Variants in SDK2 observed in about 807,000 individuals in gnomAD.
SDK2 encodes sidekick cell adhesion molecule 2, also known as protein sidekick-2.
In SDK2, 105 loss-of-function variants were observed where a neutral mutation model predicts 253.9. That is an observed-to-expected ratio of 0.41 (90% CI 0.35 to 0.49). SDK2 has a LOEUF of 0.49. SDK2 is among the 20% of genes least tolerant of loss of function. SDK2 has a pLI of 0.06. For synonymous variants in SDK2, 1,249 were observed against 1,234.9 expected (o/e 1.01, Z -0.24); for missense variants, 2,608 against 3,003.0 (o/e 0.87, Z 3.07).
rs1355263721 is a variant in SDK2 at position 73,345,692 on chromosome 17, C to T, written c.6165+2907G>A. On this transcript the variant is annotated intron_variant, in intron 44 of 44. Transcript: ENST00000392650. ...CAGATGTCAATAGGGAGAATGGGGG[C>T]GGGATGCATTTTGGGCTTGTTGTCA... is the stretch of plus-strand genomic sequence containing the variant. Among the ~76,000 whole-genome samples the T allele has an allele frequency of 3.9e-5, 6 of 151,930 alleles. No homozygotes were observed. The South Asian group carries it at 8.3e-4, about 21-fold the overall frequency.
At chr17:73,573,805 G>A (rs2045420325) in intron 1 of SDK2, among the ~76,000 whole-genome samples, 1 of 152,234 alleles carries the variant, frequency 6.6e-6, no homozygotes, top group South Asian at 2.1e-4. Flanking sequence ...CAAATCCAGA[G>A]TCCAGACTGC....
rs1161167826 is a variant in SDK2 at position 73,350,667 on chromosome 17, G to A, written c.5882C>T (p.Ala1961Val). The A allele has an allele frequency of 2.5e-6, 4 of 1,612,118 alleles. No homozygotes were observed. In the South Asian group the frequency reaches 4.4e-5, roughly 18 times the overall value. ...LIIRGQSKKYAKKTDSGNSAK... is the reference protein window; with the variant it reads ...LIIRGQSKKYVKKTDSGNSAK... ...TCACTCACCCGAGTCTGTCTTCTTG[G>A]CGTACTTCTTGCTCTGGCCCCGGAT... The change falls in exon 42 of 45, where the codon GCC becomes GTC. Residue 1961 changes from alanine to valine, a missense_variant. Ala to Val is a moderately conservative substitution (Grantham distance 64). Around this residue, in one of 2 missense-constraint regions of SDK2, gnomAD observed 1,103 missense variants for 1,143.9 expected, o/e 0.96. Transcript: ENST00000392650.
rs1189654480 is a variant in SDK2 at position 73,395,867 on chromosome 17, T to G, written c.3355-475A>C. On this transcript the variant is annotated intron_variant, in intron 24 of 44. Coordinates refer to ENST00000392650, the MANE Select transcript of SDK2 (RefSeq NM_001144952.2). This position sits in a 1 kb window ranked among gnomAD's most constrained non-coding sequence, Gnocchi z 4.3. ...GGGCACCTGCCAGTCAGGAAGTCCT[T>G]CTGTCCAGCAAACCTCAGCCTCTCC... Among the ~76,000 whole-genome samples the G allele has an allele frequency of 2.0e-5, 3 of 151,834 alleles. No individual in the cohort carries two copies. Among genetic ancestry groups the G allele is most frequent in the African/African-American group, 7.3e-5 (3 of 41,344 alleles).
chr17:73,553,763 G>A (rs1419172574), intron 1 of SDK2, among the ~76,000 whole-genome samples: 2 of 152,192 alleles, frequency 1.3e-5, no homozygotes, highest in Non-Finnish European at 2.9e-5. Flanking sequence ...TCCTGAGGAG[G>A]TGCTGGCAGA....
intron 1 of SDK2, among the ~76,000 whole-genome samples, chr17:73,561,369 C>G (rs950734134): frequency 6.6e-6 from 1 of 152,110 alleles, no homozygotes; most frequent in East Asian, 1.9e-4. Context: ...CCAAAAGGGG[C>G]TAGGGTAGGG....
intron 1 of SDK2, chr17:73,518,832 A>G (rs1034142983): frequency 6.6e-6 from 1 of 152,212 alleles, no homozygotes; most frequent in African/African-American, 2.4e-5. Flanking sequence ...CAGTGGCCCC[A>G]AGGCAGGACA....
chr17:73,510,694 A>T (rs1471672999), intron 1 of SDK2, among the ~76,000 whole-genome samples: 1 of 152,064 alleles, frequency 6.6e-6, no homozygotes, highest in Non-Finnish European at 1.5e-5. Context: ...GGGTTTCACC[A>T]TGCTGGCCAG....
chr17:73,483,641 A>G (rs55747327), intron 2 of SDK2, among the ~76,000 whole-genome samples: 45,674 of 82,442 alleles, frequency 0.55, 11,950 homozygotes, highest in Admixed American at 0.6. Context: ...GTATATATAT[A>G]TGTGTGTGTG....
At chr17:73,339,096 G>T (rs932227706) in intron 44 of SDK2, among the ~76,000 whole-genome samples, 156 bp from the exon 45 acceptor site, 2 of 152,208 alleles carry the variant, frequency 1.3e-5, no homozygotes, top group Admixed American at 1.3e-4. Flanking sequence ...TGCCAAGGGG[G>T]TCTGGTGCCC....
chr17:73,395,483 C>T lies in SDK2; in HGVS notation c.3355-91G>A. On this transcript the variant is annotated intron_variant, in intron 24 of 44. Transcript: ENST00000392650. The surrounding 1 kb of genome is among the most constrained non-coding windows in gnomAD (Gnocchi z 4.3). ...CCCTGCTACCCTCTCCTCCAGGGCG[C>T]CTTCAGGGCTATCCATCCCACTGTC... 1 of 1,000,448 alleles carries T rather than the reference C, an allele frequency of 1.0e-6. No individual in the cohort carries two copies. Among genetic ancestry groups the T allele is most frequent in the Admixed American group, 2.0e-5 (1 of 49,156 alleles). The allele number at this position is 1,000,448 out of a possible 1,614,324, so 62.0% of individuals were successfully genotyped here. A position where few individuals can be genotyped will look rare whatever the true frequency, so the allele number is the denominator to read the frequency against.
chr17:73,560,217 C>G (rs141969679), intron 1 of SDK2, among the ~76,000 whole-genome samples: 1 of 152,358 alleles, frequency 6.6e-6, no homozygotes, highest in East Asian at 1.9e-4. Flanking sequence ...AAATGACAGA[C>G]AAGGTGTTGT....
intron 44 of SDK2, among the ~76,000 whole-genome samples, chr17:73,341,146 G>A (rs1382444988): frequency 6.7e-6 from 1 of 149,732 alleles, no homozygotes; most frequent in Admixed American, 6.7e-5. Flanking sequence ...GCCTCCCAGT[G>A]TTGGGATTAC....
At chr17:73,415,585 G>A (rs1445104063) in intron 17 of SDK2, among the ~76,000 whole-genome samples, 4 of 151,966 alleles carry the variant, frequency 2.6e-5, no homozygotes, top group African/African-American at 9.7e-5. Flanking sequence ...GGGCCCAAGC[G>A]ATCCACCTGC....
At position 73,362,543 on chromosome 17, in the gene SDK2, C is replaced by T. The variant is rs149705191; in HGVS notation, c.5306-698G>A. 4.1e-3 allele frequency among the ~76,000 whole-genome samples: 628 copies of T among 152,132 alleles called. 3 individuals carry two copies. Among genetic ancestry groups the T allele is most frequent in the African/African-American group, 0.015 (605 of 41,484 alleles). On this transcript the variant is annotated intron_variant, in intron 38 of 44. Coordinates refer to ENST00000392650, the MANE Select transcript of SDK2 (RefSeq NM_001144952.2). The stretch of plus-strand genomic sequence containing the variant: ...AGTAGCTAAGACTGTAGGTGTGCAC[C>T]ATCATGCCTGGCTAATTTTTAAATT...
In SDK2 at chr17:73,643,685, C is replaced by A. The variant is rs1285046532; in HGVS notation, c.64+340G>T. ...GCTCAGCGTAGCCGAGCGTGGAGCC[C>A]GGCACGGAATGTCGCTCCCCTCCCA... On this transcript the variant is annotated intron_variant, in intron 1 of 44. Transcript: ENST00000392650. The surrounding 1 kb of genome is among the most constrained non-coding windows in gnomAD (Gnocchi z 6.9). 1.3e-5 allele frequency among the ~76,000 whole-genome samples: 2 copies of A among 152,100 alleles called. No homozygotes were observed. The highest frequency in any genetic ancestry group is 2.9e-5 in the Non-Finnish European group (2 of 67,990).
At chr17:73,484,014 CAAG>C (rs1338904523) in intron 2 of SDK2, among the ~76,000 whole-genome samples, 1 of 151,812 alleles carries the variant, frequency 6.6e-6, no homozygotes, top group Non-Finnish European at 1.5e-5. Flanking sequence ...TTTTAAAAAA[CAAG>C]AAAACAGAAA....
chr17:73,602,057 T>G (rs2045849670), intron 1 of SDK2, among the ~76,000 whole-genome samples: 1 of 152,230 alleles, frequency 6.6e-6, no homozygotes, highest in African/African-American at 2.4e-5. Context: ...AACTGTGTTT[T>G]AAACAACCCA....
chr17:73,446,308 C>A (rs1599573969), intron 5 of SDK2, among the ~76,000 whole-genome samples: 2 of 152,202 alleles, frequency 1.3e-5, no homozygotes, highest in East Asian at 3.9e-4. Context: ...GGGGCCCAGG[C>A]TGCTGAGACT....
intron 36 of SDK2, among the ~76,000 whole-genome samples, chr17:73,376,590 G>C (rs7219447): frequency 0.26 from 40,253 of 152,010 alleles, 5,433 homozygotes; most frequent in South Asian, 0.42. Context: ...TCAGGTACGG[G>C]TCATGTTTTC....
Sources: allele counts gnomAD v4.1 joint callset (sites outside exome capture counted in the v4.1 genomes callset), GRCh38; gene constraint gnomAD v4.1.1; regional missense constraint gnomAD v4.1.1; non-coding constraint Gnocchi (gnomAD v3.1); transcripts MANE v1.5; gene names NCBI Gene and HGNC (gene_info 2026-07-23, HGNC 2026-07-21).